Variants in TEX11 observed in about 807,000 individuals in gnomAD.
TEX11 encodes the protein testis-expressed protein 11.
In TEX11, 7 loss-of-function variants were observed where a neutral mutation model predicts 84.4. That is an observed-to-expected ratio of 0.08 (90% CI 0.05 to 0.16). The LOEUF is 0.16. TEX11 is among the 10% of genes least tolerant of loss of function. The pLI is 1.00. For missense variants in TEX11, 551 were observed against 660.5 expected, an observed-to-expected ratio of 0.83 and a Z score of 1.82; for synonymous variants, 264 against 222.8, an observed-to-expected ratio of 1.18 and a Z score of -1.64.
At chrX:70,880,795 T>A (rs1194083699) in intron 2 of TEX11, among the ~76,000 whole-genome samples, 1 of 109,864 alleles carries the variant, frequency 9.1e-6, no homozygotes, top group Admixed American at 9.8e-5. Context: ...ATATTGAATC[T>A]GCACAAATGA....
intron 18 of TEX11, among the ~76,000 whole-genome samples, chrX:70,626,421 G>A (rs1223391935): frequency 1.8e-5 from 2 of 109,523 alleles, no homozygotes; most frequent in African/African-American, 6.7e-5. Context: ...TCTGTCTACC[G>A]CCTCTTACCT....
chrX:70,720,664 T>C (rs1389214404), intron 13 of TEX11, among the ~76,000 whole-genome samples: 1 of 109,874 alleles, frequency 9.1e-6, no homozygotes. Flanking sequence ...ACAACAGGAT[T>C]GCTTATTTTA....
At chrX:70,841,698 T>A (rs2091445400) in intron 7 of TEX11, among the ~76,000 whole-genome samples, 1 of 111,730 alleles carries the variant, frequency 9.0e-6, no homozygotes, top group African/African-American at 3.3e-5. Flanking sequence ...AGGAGCTGGT[T>A]TTTTGAAAAG....
At chrX:70,713,749 G>T (rs1316087438) in intron 13 of TEX11, among the ~76,000 whole-genome samples, 1 of 111,213 alleles carries the variant, frequency 9.0e-6, no homozygotes, top group Non-Finnish European at 1.9e-5. Flanking sequence ...CCAGCTCCTG[G>T]ATTCATTGAG....
At chrX:70,773,752 C>T (rs924103799) in intron 9 of TEX11, among the ~76,000 whole-genome samples, 18 of 111,916 alleles carry the variant, frequency 1.6e-4, no homozygotes. Flanking sequence ...ACCTCCTCCA[C>T]TAATAAGAAC....
At chrX:70,655,811 G>A (rs1335261180) in intron 16 of TEX11, among the ~76,000 whole-genome samples, 1 of 110,525 alleles carries the variant, frequency 9.0e-6, no homozygotes, top group Admixed American at 9.6e-5. Context: ...AGTTTGTAGT[G>A]CTTTGTTATA....
intron 2 of TEX11, among the ~76,000 whole-genome samples, chrX:70,899,807 C>A (rs1401767810): frequency 1.1e-5 from 1 of 89,536 alleles, no homozygotes; most frequent in Non-Finnish European, 2.1e-5. Flanking sequence ...GTTCATGCCA[C>A]TGCACTCCAG....
At chrX:70,619,146 T>C (rs908173293) in intron 20 of TEX11, among the ~76,000 whole-genome samples, 3 of 111,640 alleles carry the variant, frequency 2.7e-5, no homozygotes, top group African/African-American at 9.8e-5. Context: ...AACTTTATGT[T>C]TCCTACCTGA....
chrX:70,703,375 G>A (rs1218650345), intron 13 of TEX11, among the ~76,000 whole-genome samples: 3 of 111,480 alleles, frequency 2.7e-5, no homozygotes, highest in African/African-American at 9.8e-5. Flanking sequence ...TGAGGAAAGT[G>A]AGGCACAAGC....
chrX:70,714,264 T>A (rs1411980037), intron 13 of TEX11, among the ~76,000 whole-genome samples: 1 of 111,577 alleles, frequency 9.0e-6, no homozygotes, highest in African/African-American at 3.3e-5. Flanking sequence ...AGAATGTATA[T>A]TCTGTTGATT....
chrX:70,788,425 C>T (rs2091092995), intron 9 of TEX11, among the ~76,000 whole-genome samples: 1 of 110,874 alleles, frequency 9.0e-6, no homozygotes, highest in Non-Finnish European at 1.9e-5. Flanking sequence ...AGGATAGTCT[C>T]TTCAACAAAT....
In TEX11 at chrX:70,690,537, A is replaced by T. The variant is rs186022262; in HGVS notation, c.1005-7712T>A. ...GTAAGACACCCTGTCTCTACAAAAA[A>T]ATTAAAAAGAAAAAGAAAATTAGCT... is the stretch of plus-strand genomic sequence containing the variant. On this transcript the variant is annotated intron_variant, in intron 13 of 29. Transcript: ENST00000374333. Among the ~76,000 whole-genome samples the T allele has an allele frequency of 4.5e-5, 5 of 110,894 alleles. No homozygotes were observed. The East Asian group carries it at 1.4e-3, about 31-fold the overall frequency.
intron 9 of TEX11, among the ~76,000 whole-genome samples, chrX:70,806,323 G>C (rs1489693097): frequency 9.0e-6 from 1 of 111,139 alleles, no homozygotes; most frequent in Non-Finnish European, 1.9e-5. Flanking sequence ...ACGCATGCTG[G>C]CACATGCCTG....
chrX:70,757,740 C>T (rs1306382565), intron 9 of TEX11, among the ~76,000 whole-genome samples: 1 of 111,565 alleles, frequency 9.0e-6, no homozygotes, highest in African/African-American at 3.3e-5. Context: ...CAGCTAACAT[C>T]ATAATGACAG....
intron 9 of TEX11, among the ~76,000 whole-genome samples, chrX:70,748,694 T>G (rs1245665597): frequency 7.9e-5 from 8 of 101,344 alleles, no homozygotes; most frequent in Non-Finnish European, 1.0e-4. Flanking sequence ...TCCCCATTGC[T>G]TGTTTTTCTC....
At chrX:70,843,007 A>C (rs1167026003) in intron 7 of TEX11, among the ~76,000 whole-genome samples, 1 of 112,167 alleles carries the variant, frequency 8.9e-6, no homozygotes, top group African/African-American at 3.2e-5. Context: ...AGAACATTCC[A>C]TGCTCATGGG....
chrX:70,544,422 G>A (rs1293329946), intron 28 of TEX11, among the ~76,000 whole-genome samples: 4 of 110,419 alleles, frequency 3.6e-5, no homozygotes, highest in Non-Finnish European at 1.9e-5. Flanking sequence ...AGCTACTCAG[G>A]AGGCTGAGGT....
chrX:70,639,611 C>G (rs375193010), intron 17 of TEX11, among the ~76,000 whole-genome samples: 4 of 111,651 alleles, frequency 3.6e-5, no homozygotes, highest in African/African-American at 1.3e-4. Context: ...CTCCCTGACC[C>G]CTGACCCCCA....
At chrX:70,754,570 C>T (rs2090853717) in intron 9 of TEX11, among the ~76,000 whole-genome samples, 2 of 111,686 alleles carry the variant, frequency 1.8e-5, no homozygotes, top group African/African-American at 6.5e-5. Flanking sequence ...GCTTTGCTAC[C>T]TACTGACTAT....
Sources: allele counts gnomAD v4.1 joint callset (sites outside exome capture counted in the v4.1 genomes callset), GRCh38; gene constraint gnomAD v4.1.1; transcripts MANE v1.5; gene names NCBI Gene and HGNC (gene_info 2026-07-23, HGNC 2026-07-21).